The following MYO16 variants were observed in gnomAD, a reference collection of about 807,000 sequenced individuals.
The protein encoded by MYO16 is myosin XVI, also known as unconventional myosin-XVI.
MYO16 carries 94 observed loss-of-function variants against 205.3 expected under a neutral mutation model. That is an observed-to-expected ratio of 0.46 (90% CI 0.39 to 0.54). The LOEUF (loss-of-function observed/expected upper bound fraction) is 0.54. Ranked by LOEUF, MYO16 falls within the 20% of genes least tolerant of loss-of-function variation. MYO16 has a pLI of 0.00. For synonymous variants in MYO16, 988 were observed against 954.0 expected (o/e 1.04, Z -0.66); for missense variants, 2,315 against 2,387.5 (o/e 0.97, Z 0.63).
intron 12 of MYO16, among the ~76,000 whole-genome samples, chr13:108,876,669 C>CTT (rs35250959): frequency 0.023 from 3,075 of 135,230 alleles, 198 homozygotes; most frequent in East Asian, 0.22. Flanking sequence ...TATTCTCTCT[C>CTT]TTTTTTTTTT....
At chr13:108,979,243 A>AT (rs368336437) in intron 20 of MYO16, among the ~76,000 whole-genome samples, 39 of 149,802 alleles carry the variant, frequency 2.6e-4, no homozygotes, top group South Asian at 6.4e-4. Flanking sequence ...TTTTTGGGTG[A>AT]TTTTTTTTTC....
At chr13:108,641,334 A>G (rs1431978905) in intron 1 of MYO16, among the ~76,000 whole-genome samples, 1 of 152,190 alleles carries the variant, frequency 6.6e-6, no homozygotes, top group Non-Finnish European at 1.5e-5. Context: ...CTGAATAAGG[A>G]AAGATGAAAG....
At chr13:108,854,515 TTAA>T (rs1370710777) in intron 10 of MYO16, among the ~76,000 whole-genome samples, 1 of 152,170 alleles carries the variant, frequency 6.6e-6, no homozygotes, top group African/African-American at 2.4e-5. Flanking sequence ...GCATATGCTG[TTAA>T]TAATATATAA....
chr13:108,916,124 T>C (rs1881485181), intron 16 of MYO16, among the ~76,000 whole-genome samples: 1 of 152,204 alleles, frequency 6.6e-6, no homozygotes, highest in South Asian at 2.1e-4. Flanking sequence ...TTGAAGGTGC[T>C]CCCAAGACAA....
intron 1 of MYO16, among the ~76,000 whole-genome samples, chr13:108,650,982 A>G (rs1880976585): frequency 1.3e-5 from 2 of 152,182 alleles, no homozygotes; most frequent in African/African-American, 4.8e-5. Context: ...CTTCACATGC[A>G]TTTTATCATT....
chr13:108,830,526 C>T (rs529169616), intron 9 of MYO16, among the ~76,000 whole-genome samples: 10 of 148,662 alleles, frequency 6.7e-5, no homozygotes, highest in African/African-American at 1.7e-4. Context: ...AACCAAACAC[C>T]GCATATTCTC....
At chr13:108,568,723 T>TA in the MYO16 span, among the ~76,000 whole-genome samples, 58,825 of 151,382 alleles carry the variant, frequency 0.39, 12,482 homozygotes, top group East Asian at 0.55. Context: ...TTATTATTAT[T>TA]TTTTGCTACT....
At chr13:109,015,348 G>A (rs1399170779) in intron 22 of MYO16, among the ~76,000 whole-genome samples, 3 of 152,164 alleles carry the variant, frequency 2.0e-5, no homozygotes, top group Admixed American at 1.3e-4. Flanking sequence ...TTGATGTGCT[G>A]CTGGATTAGG....
At chr13:108,811,169 G>C (rs184399205) in intron 7 of MYO16, among the ~76,000 whole-genome samples, 1 of 152,162 alleles carries the variant, frequency 6.6e-6, no homozygotes, top group East Asian at 1.9e-4. Context: ...AAAGTATTTT[G>C]TATGACATAA....
chr13:108,977,853 G>C (rs1884317519), intron 20 of MYO16, among the ~76,000 whole-genome samples: 1 of 151,844 alleles, frequency 6.6e-6, no homozygotes, highest in Non-Finnish European at 1.5e-5. Context: ...TTTATAATCA[G>C]TTTGACTCTA....
At chr13:108,765,916 T>C (rs1566594283) in intron 4 of MYO16, among the ~76,000 whole-genome samples, 1 of 152,220 alleles carries the variant, frequency 6.6e-6, no homozygotes. Context: ...GTTCAATATA[T>C]AATTCAACTG....
chr13:109,130,579 G>A (rs1306013635), intron 31 of MYO16, among the ~76,000 whole-genome samples: 1 of 152,226 alleles, frequency 6.6e-6, no homozygotes, highest in Admixed American at 6.5e-5. Flanking sequence ...AGTCAGAGAG[G>A]GCAAGCGCAG....
At chr13:108,710,291 A>G (rs1022926135) in intron 2 of MYO16, among the ~76,000 whole-genome samples, 2 of 152,184 alleles carry the variant, frequency 1.3e-5, no homozygotes, top group Non-Finnish European at 2.9e-5. Context: ...ATAAAGATTC[A>G]CTTTCTCCAT....
At chr13:108,873,070 A>G (rs553360394) in intron 12 of MYO16, among the ~76,000 whole-genome samples, 48 of 152,364 alleles carry the variant, frequency 3.2e-4, no homozygotes, top group African/African-American at 1.1e-3. Flanking sequence ...CACCTATCAG[A>G]TATTCATTAA....
chr13:109,183,268 C>T (rs761233797), intron 34 of MYO16, among the ~76,000 whole-genome samples: 1 of 152,158 alleles, frequency 6.6e-6, no homozygotes, highest in Non-Finnish European at 1.5e-5. Flanking sequence ...ATGACTTCTT[C>T]GCATTTTTTG....
At chr13:108,559,198 C>T in the MYO16 span, among the ~76,000 whole-genome samples, 8 of 152,172 alleles carry the variant, frequency 5.3e-5, no homozygotes, top group East Asian at 3.9e-4. Context: ...GACACAGAGA[C>T]GTACACAGAG....
At chr13:109,034,821 T>C (rs1405815922) in intron 23 of MYO16, among the ~76,000 whole-genome samples, 1 of 152,186 alleles carries the variant, frequency 6.6e-6, no homozygotes, top group African/African-American at 2.4e-5. Context: ...TATAAGCCAT[T>C]CCTAGCCCCC....
chr13:108,583,831 C>T, the MYO16 span, among the ~76,000 whole-genome samples: 185 of 152,308 alleles, frequency 1.2e-3, 1 homozygote, highest in African/African-American at 4.2e-3. Flanking sequence ...ACAGTAACTC[C>T]TAACTTTCCA....
chr13:109,031,084 A>G (rs1594486386), intron 23 of MYO16, among the ~76,000 whole-genome samples: 1 of 152,018 alleles, frequency 6.6e-6, no homozygotes, highest in Non-Finnish European at 1.5e-5. Context: ...GGAATGAATG[A>G]ATTTTGTTTT....
Sources: allele counts gnomAD v4.1 joint callset (sites outside exome capture counted in the v4.1 genomes callset), GRCh38; gene constraint gnomAD v4.1.1; transcripts MANE v1.5; gene names NCBI Gene and HGNC (gene_info 2026-07-23, HGNC 2026-07-21).